AVL9: variants seen among roughly 807,000 people sequenced by gnomAD.
AVL9 encodes late secretory pathway protein AVL9 homolog.
Under a neutral mutation model 79.2 loss-of-function variants are expected in AVL9, and 49 were observed. The observed-to-expected ratio is 0.62, with a 90% CI of 0.49 to 0.79. The LOEUF is 0.79. Ranked by LOEUF, AVL9 falls within the 30% of genes least tolerant of loss-of-function variation. The probability of loss-of-function intolerance (pLI) is 0.00; values close to 1 mark genes in which losing one functional copy is unlikely to be tolerated. For missense variants in AVL9, 682 were observed against 776.8 expected, an observed-to-expected ratio of 0.88 and a Z score of 1.45; for synonymous variants, 299 against 280.6, an observed-to-expected ratio of 1.07 and a Z score of -0.65.
chr7:32,556,740 T>C (rs767381081), intron 8 of AVL9, among the ~76,000 whole-genome samples: 3 of 152,142 alleles, frequency 2.0e-5, no homozygotes, highest in Non-Finnish European at 4.4e-5. Flanking sequence ...GCAGCCATCA[T>C]CACTATCCAG....
chr7:32,496,382 C>T (rs1212404696), intron 1 of AVL9, among the ~76,000 whole-genome samples: 2 of 152,172 alleles, frequency 1.3e-5, no homozygotes, highest in Non-Finnish European at 2.9e-5. Flanking sequence ...CTTAGTTTTG[C>T]TATTTCATCT....
At chr7:32,572,311 GAAGAAA>G in intron 11 of AVL9, among the ~76,000 whole-genome samples, 1 of 151,480 alleles carries the variant, frequency 6.6e-6, no homozygotes, top group South Asian at 2.1e-4. Flanking sequence ...CAAATTTGAA[GAAGAAA>G]AAGTATATAC....
chr7:32,513,996 A>C (rs933188330), intron 1 of AVL9, among the ~76,000 whole-genome samples: 1 of 152,236 alleles, frequency 6.6e-6, no homozygotes, highest in African/African-American at 2.4e-5. Flanking sequence ...CAGTATTGCC[A>C]CCATGATGTC....
Position 32,583,795 on chromosome 7 carries a change from A to G in AVL9, c.1835A>G (p.Gln612Arg). ...NVVQTGKAVG[Q>R]SVGGAFSSAK... ...TGTTTTTCTCCTCTCCATCCAGGCC[A>G]GTCAGTTGGAGGAGCTTTTTCCAGT... Residue 612 changes from glutamine (Q) to arginine (R), a missense_variant, in exon 16 of 16, where the codon CAG becomes CGG. Gln to Arg is a conservative substitution (Grantham distance 43). Transcript: ENST00000318709. 6.2e-7 allele frequency: 1 copy of G among 1,609,960 alleles called. No homozygotes were observed. The highest frequency in any genetic ancestry group is 8.5e-7 in the Non-Finnish European group (1 of 1,176,474).
intron 1 of AVL9, chr7:32,537,508 G>A (rs1788970993): frequency 7.5e-6 from 1 of 133,994 alleles, no homozygotes; most frequent in East Asian, 2.3e-4. Flanking sequence ...TGTTGCCCAG[G>A]CTGGAGTGCA....
At chr7:32,541,343 TAAA>T (rs1789198162) in intron 1 of AVL9, among the ~76,000 whole-genome samples, 2 of 90,976 alleles carry the variant, frequency 2.2e-5, no homozygotes, top group Non-Finnish European at 6.0e-5. Context: ...TCATTTTAAA[TAAA>T]TATCTGTACA....
At chr7:32,506,210 T>C (rs1481470271) in intron 1 of AVL9, among the ~76,000 whole-genome samples, 3 of 152,148 alleles carry the variant, frequency 2.0e-5, no homozygotes, top group African/African-American at 7.2e-5. Context: ...TTTTAAACTT[T>C]TTAAACAAAT....
At chr7:32,512,139 T>C (rs1265093912) in intron 1 of AVL9, among the ~76,000 whole-genome samples, 1 of 152,178 alleles carries the variant, frequency 6.6e-6, no homozygotes, top group Non-Finnish European at 1.5e-5. Flanking sequence ...AGAGTGGTCA[T>C]GGGAAGTAGC....
chr7:32,508,668 A>G (rs1253389599), intron 1 of AVL9, among the ~76,000 whole-genome samples: 3 of 152,176 alleles, frequency 2.0e-5, no homozygotes, highest in Non-Finnish European at 4.4e-5. Context: ...ATGAATTGTG[A>G]GGTAGAAATC....
rs112161030 is a variant in AVL9 at position 32,503,230 on chromosome 7, C to T, written c.93+7428C>T. Among the ~76,000 whole-genome samples, 351 of 151,324 alleles carry T rather than the reference C, an allele frequency of 2.3e-3. 1 individual carries two copies. The highest frequency in any genetic ancestry group is 4.0e-3 in the Non-Finnish European group (269 of 67,906). ...TGGCTCACAACTGTAAATCCCAGCA[C>T]TTTGGGAGGCCGAGGCAGGTGGATC... On this transcript the variant is annotated intron_variant, in intron 1 of 15. Coordinates refer to ENST00000318709, the MANE Select transcript of AVL9 (RefSeq NM_015060.3).
chr7:32,569,127 T>C (rs1790711589), intron 10 of AVL9, among the ~76,000 whole-genome samples: 1 of 152,326 alleles, frequency 6.6e-6, no homozygotes, highest in Non-Finnish European at 1.5e-5. Context: ...AAACACGATA[T>C]TATCCAGATG....
Position 32,558,910 on chromosome 7 carries a change from T to TTATA in AVL9, c.680-18_680-17insATAT, listed in dbSNP as rs1790202264. Reference sequence around the variant, plus strand: ...ATATTATTATAAGCCAAGCTGTTCTTTGATATTGCATATTTTAGGCATGAT... The same window carrying TTATA: ...ATATTATTATAAGCCAAGCTGTTCTTTATATGATATTGCATATTTTAGGCATGAT... On this transcript the variant is annotated intron_variant, in intron 9 of 15. Coordinates refer to ENST00000318709, the MANE Select transcript of AVL9 (RefSeq NM_015060.3). 6.5e-7 allele frequency: 1 copy of TTATA among 1,547,580 alleles called. No individual in the cohort carries two copies. Among genetic ancestry groups the TTATA allele is most frequent in the Non-Finnish European group, 8.7e-7 (1 of 1,151,518 alleles).
intron 1 of AVL9, among the ~76,000 whole-genome samples, chr7:32,497,281 G>A (rs1441534702): frequency 6.6e-6 from 1 of 152,188 alleles, no homozygotes; most frequent in Non-Finnish European, 1.5e-5. Context: ...CTTGAAGCCG[G>A]GAGGCAGAGG....
At chr7:32,521,586 G>A (rs1247059274) in intron 1 of AVL9, among the ~76,000 whole-genome samples, 1 of 152,212 alleles carries the variant, frequency 6.6e-6, no homozygotes, top group Non-Finnish European at 1.5e-5. Flanking sequence ...AAGGCATTTA[G>A]TTTTATAAGG....
At chr7:32,563,431 T>C (rs565541069) in intron 10 of AVL9, among the ~76,000 whole-genome samples, 20 of 151,680 alleles carry the variant, frequency 1.3e-4, no homozygotes, top group African/African-American at 2.2e-4. Flanking sequence ...TTTAGTATTA[T>C]TATTTTTCTC....
intron 1 of AVL9, among the ~76,000 whole-genome samples, chr7:32,510,515 A>G (rs1392271631): frequency 1.4e-5 from 2 of 145,410 alleles, no homozygotes; most frequent in East Asian, 2.0e-4. Context: ...GAGAATCCAC[A>G]GTCCTGGCAC....
chr7:32,555,560 T>C (rs953204838), intron 8 of AVL9, among the ~76,000 whole-genome samples: 1 of 152,224 alleles, frequency 6.6e-6, no homozygotes, highest in Admixed American at 6.5e-5. Context: ...TAAAATTTTA[T>C]TGGAAATCAG....
intron 1 of AVL9, chr7:32,534,337 A>G (rs1463100806): frequency 6.6e-6 from 1 of 152,012 alleles, no homozygotes; most frequent in Non-Finnish European, 1.5e-5. Flanking sequence ...CTTTCTGGGG[A>G]TATTTGATAC....
chr7:32,544,503 G>A (rs776430056), intron 2 of AVL9, among the ~76,000 whole-genome samples, 191 bp from the exon 3 acceptor site: 5 of 152,128 alleles, frequency 3.3e-5, no homozygotes, highest in African/African-American at 4.8e-5. Flanking sequence ...TTTGTGATGA[G>A]TATTTACCAT....
Sources: allele counts gnomAD v4.1 joint callset (sites outside exome capture counted in the v4.1 genomes callset), GRCh38; gene constraint gnomAD v4.1.1; transcripts MANE v1.5; gene names NCBI Gene and HGNC (gene_info 2026-07-23, HGNC 2026-07-21).